The following BSPRY variants were observed in gnomAD, a reference collection of about 807,000 sequenced individuals.
BSPRY encodes B box and SPRY domain-containing protein.
BSPRY carries 33 observed loss-of-function variants against 38.0 expected under a neutral mutation model. The ratio of observed to expected loss-of-function variants is 0.87; its 90% CI spans 0.66 to 1.16. The LOEUF (loss-of-function observed/expected upper bound fraction) is 1.16. BSPRY is among the 50% of genes most tolerant of loss of function. BSPRY has a pLI of 0.00. For synonymous variants in BSPRY, 224 were observed against 228.5 expected, an observed-to-expected ratio of 0.98 and a Z score of 0.18; for missense variants, 523 against 533.2, an observed-to-expected ratio of 0.98 and a Z score of 0.19.
intron 2 of BSPRY, among the ~76,000 whole-genome samples, chr9:113,354,574 G>A (rs1359264833): frequency 2.0e-5 from 3 of 152,140 alleles, no homozygotes; most frequent in Non-Finnish European, 4.4e-5. Context: ...CTTGGCATAG[G>A]GGATCAAGAA....
At chr9:113,363,522 C>T (rs10981770) in intron 4 of BSPRY, among the ~76,000 whole-genome samples, 59,053 of 151,722 alleles carry the variant, frequency 0.39, 13,242 homozygotes, top group African/African-American at 0.62. Context: ...TGGGTTTGAA[C>T]AGATGTGCAT....
At chr9:113,350,944 A>G (rs1833960916) in intron 1 of BSPRY, among the ~76,000 whole-genome samples, 1 of 152,134 alleles carries the variant, frequency 6.6e-6, no homozygotes. Context: ...TCCTACCTAC[A>G]TTTTACAGAT....
chr9:113,362,530 T>C, intron 4 of BSPRY, 136 bp downstream of exon 4: 1 of 886,364 alleles, frequency 1.1e-6, no homozygotes, highest in Non-Finnish European at 1.9e-6. Flanking sequence ...GGAGCCTGGC[T>C]CTGTGGACAG....
intron 2 of BSPRY, among the ~76,000 whole-genome samples, chr9:113,356,140 G>A (rs543834230): frequency 6.6e-6 from 1 of 152,238 alleles, no homozygotes; most frequent in Non-Finnish European, 1.5e-5. Context: ...ATGTGCTATG[G>A]GGAAATATAA....
chr9:113,360,462 G>T, intron 2 of BSPRY, 45 bp from the exon 3 acceptor site: 2 of 1,544,394 alleles, frequency 1.3e-6, no homozygotes, highest in East Asian at 2.3e-5. Flanking sequence ...ATCCTGACCG[G>T]GGCTTTGCAC....
At chr9:113,369,542 A>G (rs1286676847) in intron 5 of BSPRY, 74 bp from the exon 6 acceptor site, 1 of 1,476,422 alleles carries the variant, frequency 6.8e-7, no homozygotes, top group Non-Finnish European at 9.1e-7. Flanking sequence ...GTGGTGAGGA[A>G]CCTTTTGCTA....
rs1320787720 is a variant in BSPRY at position 113,360,554 on chromosome 9, G to A, written c.348G>A (p.Leu116=). ...ARELVIQRLS[L]VRSLCESEEQ... ...AACTGGTTATCCAGCGGTTGAGTCT[G>A]GTGAGGAGTCTTTGCGAGAGCGAGG... Residue 116 remains leucine (L), a synonymous_variant, in exon 3 of 6, where the codon CTG becomes CTA. Transcript: ENST00000374183. The A allele has an allele frequency of 2.5e-6, 4 of 1,607,328 alleles. No individual in the cohort carries two copies. Among genetic ancestry groups the A allele is most frequent in the Non-Finnish European group, 3.4e-6 (4 of 1,178,262 alleles).
At chr9:113,368,011 T>C (rs1162952558) in intron 4 of BSPRY, among the ~76,000 whole-genome samples, 1 of 152,034 alleles carries the variant, frequency 6.6e-6, no homozygotes, top group African/African-American at 2.4e-5. Context: ...TTAAATTTTT[T>C]GTAGAGATGG....
At position 113,350,202 on chromosome 9, in the gene BSPRY, G is replaced by A. The variant is rs1833950400; in HGVS notation, c.201+422G>A. On this transcript the variant is annotated intron_variant, in intron 1 of 5. Coordinates refer to ENST00000374183, the MANE Select transcript of BSPRY (RefSeq NM_017688.3). ...AGGCTCAGCTGCTCCAGTTCTCAGC[G>A]CAGGGTGTGCCCCAGCTCCCGCCCC... Among the ~76,000 whole-genome samples the A allele has an allele frequency of 2.6e-5, 4 of 152,140 alleles. No homozygotes were observed. The South Asian group carries it at 8.3e-4, about 31-fold the overall frequency.
In BSPRY at chr9:113,370,317, A is replaced by T; in HGVS notation, c.*175A>T. On this transcript the variant is annotated 3_prime_UTR_variant, in exon 6 of 6. Transcript: ENST00000374183. This position sits in a 1 kb window ranked among gnomAD's most constrained non-coding sequence, Gnocchi z 4.8. The stretch of plus-strand genomic sequence containing the variant: ...TTTCAGATCTAGGCATAACCTGTAA[A>T]TCACAGGTGTCCAAACTTTTGGCTT... The T allele has an allele frequency of 1.2e-5, 8 of 684,248 alleles. No individual in the cohort carries two copies. The highest frequency in any genetic ancestry group is 1.7e-5 in the Non-Finnish European group (8 of 466,834). 42.4% of individuals were successfully genotyped at this position (684,248 alleles called of 1,614,324 possible).
intron 2 of BSPRY, among the ~76,000 whole-genome samples, chr9:113,356,397 T>C (rs7031584): frequency 0.3 from 45,771 of 151,626 alleles, 8,245 homozygotes; most frequent in African/African-American, 0.5. Flanking sequence ...CTCAGCTACT[T>C]GGGAGGCTGA....
chr9:113,350,259 G>T (rs1017080007), intron 1 of BSPRY, among the ~76,000 whole-genome samples: 1 of 152,050 alleles, frequency 6.6e-6, no homozygotes, highest in Non-Finnish European at 1.5e-5. Flanking sequence ...AATCCAGCGC[G>T]ACCGTATCCC....
At chr9:113,360,800 C>A in intron 3 of BSPRY, 63 bp downstream of exon 3, 1 of 1,337,714 alleles carries the variant, frequency 7.5e-7, no homozygotes, top group Non-Finnish European at 1.0e-6. Flanking sequence ...CTGAAAATAT[C>A]GAGAATGTTT....
chr9:113,366,944 A>G (rs981349343), intron 4 of BSPRY, among the ~76,000 whole-genome samples: 5 of 152,172 alleles, frequency 3.3e-5, no homozygotes, highest in Non-Finnish European at 5.9e-5. Flanking sequence ...ACTCGGAACC[A>G]CTGCCTGATC....
chr9:113,351,164 GC>G (rs1833965394), intron 1 of BSPRY, among the ~76,000 whole-genome samples: 1 of 152,144 alleles, frequency 6.6e-6, no homozygotes, highest in African/African-American at 2.4e-5. Flanking sequence ...AAAGAGTGAA[GC>G]CTCGGGCAGG....
At position 113,369,990 on chromosome 9, in the gene BSPRY, C is replaced by T. The variant is rs1484209990; in HGVS notation, c.1057C>T (p.Gln353Ter). Reference sequence around the variant, plus strand: ...CCTGGGGCTGCTGCGGGGCCCAGCCCAGCTGGGTGTAGTGCTGGACTTGCA... The same window carrying T: ...CCTGGGGCTGCTGCGGGGCCCAGCCTAGCTGGGTGTAGTGCTGGACTTGCA... ...EPLGLLRGPA[Q>*]LGVVLDLQVQ... The change falls in exon 6 of 6, where the codon CAG (glutamine) becomes TAG (stop). Residue 353 changes from glutamine to a stop codon, truncating the protein, a stop_gained. Coordinates refer to ENST00000374183, the MANE Select transcript of BSPRY (RefSeq NM_017688.3). LOFTEE classifies it high-confidence loss of function. 2.5e-6 allele frequency: 4 copies of T among 1,614,006 alleles called. No individual in the cohort carries two copies. The highest frequency in any genetic ancestry group is 1.7e-5 in the Admixed American group (1 of 60,010).
At position 113,357,944 on chromosome 9, in the gene BSPRY, C is replaced by A. The variant is rs80125411; in HGVS notation, c.301-2563C>A. On this transcript the variant is annotated intron_variant, in intron 2 of 5. Transcript: ENST00000374183. ...TATATATATATATATATATATATAT[C>A]TCTATTAAGCTTATTCATTGGGCTG... Among the ~76,000 whole-genome samples the A allele has an allele frequency of 4.6e-3, 389 of 85,066 alleles. 8 individuals carry two copies. Among genetic ancestry groups the A allele is most frequent in the African/African-American group, 0.027 (339 of 12,630 alleles). The allele number at this position is 85,066 out of a possible 152,430, so 55.8% of individuals were successfully genotyped here.
At chr9:113,357,886 CTATATATATATATATATATATATATA>C (rs59328879) in intron 2 of BSPRY, among the ~76,000 whole-genome samples, 6,273 of 96,710 alleles carry the variant, frequency 0.065, 408 homozygotes, top group South Asian at 0.098. Flanking sequence ...CTGTAGAGTT[CTATATATATATATATATATATATATA>C]TATATATATA....
At chr9:113,358,270 CT>C (rs1396694292) in intron 2 of BSPRY, among the ~76,000 whole-genome samples, 1 of 149,510 alleles carries the variant, frequency 6.7e-6, no homozygotes, top group African/African-American at 2.5e-5. Context: ...ATAAAAACCT[CT>C]TTTTTTTTCT....
Sources: allele counts gnomAD v4.1 joint callset (sites outside exome capture counted in the v4.1 genomes callset), GRCh38; gene constraint gnomAD v4.1.1; non-coding constraint Gnocchi (gnomAD v3.1); transcripts MANE v1.5; gene names NCBI Gene and HGNC (gene_info 2026-07-23, HGNC 2026-07-21).